The following DMD variants were observed in gnomAD, a reference collection of about 807,000 sequenced individuals.
DMD encodes the protein mutant dystrophin.
A neutral mutation model predicts 330.1 loss-of-function variants in DMD; 63 were observed. The observed-to-expected ratio is 0.19, with a 90% CI of 0.16 to 0.24. The LOEUF is 0.24. Ranked by LOEUF, DMD falls within the 10% of genes least tolerant of loss-of-function variation. The pLI is 1.00. For synonymous variants in DMD, 1,223 were observed against 959.8 expected, an observed-to-expected ratio of 1.27 and a Z score of -5.07; for missense variants, 3,344 against 2,684.1, an observed-to-expected ratio of 1.25 and a Z score of -5.43.
chrX:32,826,955 A>AT (rs200526532), intron 4 of DMD, among the ~76,000 whole-genome samples: 4 of 109,293 alleles, frequency 3.7e-5, no homozygotes, highest in African/African-American at 6.7e-5. Flanking sequence ...GGTATATACA[A>AT]TTTTTTTTGC....
intron 50 of DMD, among the ~76,000 whole-genome samples, chrX:31,813,231 G>A (rs1287962882): frequency 8.9e-6 from 1 of 111,986 alleles, no homozygotes; most frequent in Non-Finnish European, 1.9e-5. Flanking sequence ...CCAATTCACT[G>A]GAGATTTTTA....
chrX:32,630,723 C>A (rs916438924), intron 11 of DMD, among the ~76,000 whole-genome samples: 1 of 111,576 alleles, frequency 9.0e-6, no homozygotes, highest in African/African-American at 3.3e-5. Context: ...TTCTGAATTC[C>A]TTCTCTGTAC....
At chrX:32,196,354 C>G (rs2097000094) in intron 44 of DMD, among the ~76,000 whole-genome samples, 1 of 112,100 alleles carries the variant, frequency 8.9e-6, no homozygotes. Flanking sequence ...AACCAGGCTC[C>G]AGATATAAGC....
chrX:32,895,218 G>T (rs2085595593), intron 2 of DMD, among the ~76,000 whole-genome samples: 1 of 112,160 alleles, frequency 8.9e-6, no homozygotes, highest in African/African-American at 3.2e-5. Context: ...TGAATTTGGG[G>T]CAAACACGAA....
At chrX:32,968,313 T>A (rs1217036545) in intron 2 of DMD, among the ~76,000 whole-genome samples, 1 of 111,067 alleles carries the variant, frequency 9.0e-6, no homozygotes, top group Non-Finnish European at 1.9e-5. Context: ...TTCCAGTTGT[T>A]TTAAAACATG....
chrX:31,567,298 A>C (rs755883204), intron 55 of DMD, among the ~76,000 whole-genome samples: 1 of 111,336 alleles, frequency 9.0e-6, no homozygotes, highest in Non-Finnish European at 1.9e-5. Flanking sequence ...ATTAGCAATC[A>C]TGGGTGGAAA....
intron 47 of DMD, among the ~76,000 whole-genome samples, chrX:31,918,065 C>G (rs1199132597): frequency 8.9e-6 from 1 of 112,374 alleles, no homozygotes; most frequent in Non-Finnish European, 1.9e-5. Flanking sequence ...TATTCAAGGA[C>G]CTGCCGTACA....
intron 68 of DMD, 130 bp downstream of exon 68, chrX:31,182,608 C>T: frequency 1.6e-6 from 1 of 629,258 alleles, no homozygotes; most frequent in East Asian, 3.3e-5. Context: ...TGTTCCAGCC[C>T]AATCACCTTC....
chrX:31,281,173 A>G (rs1042634519), intron 62 of DMD, among the ~76,000 whole-genome samples: 2 of 111,944 alleles, frequency 1.8e-5, no homozygotes, highest in Non-Finnish European at 3.8e-5. Context: ...CCAACGACAG[A>G]GACTCTATTT....
intron 25 of DMD, 45 bp downstream of exon 25, chrX:32,463,390 CTTAG>C (rs1569563654): frequency 2.7e-6 from 3 of 1,113,156 alleles, no homozygotes; most frequent in Admixed American, 5.0e-5. Flanking sequence ...ATTAGGAAAT[CTTAG>C]TTAAGTACGT....
At position 31,968,153 on chromosome X, in the gene DMD, A is replaced by G. The variant is rs72466600; in HGVS notation, c.6614+186T>C. Among the ~76,000 whole-genome samples, 212 of 111,718 alleles carry G rather than the reference A, an allele frequency of 1.9e-3. 1 individual carries two copies. Among genetic ancestry groups the G allele is most frequent in the Non-Finnish European group, 3.5e-3 (188 of 53,036 alleles). On this transcript the variant is annotated intron_variant, in intron 45 of 78. Coordinates refer to ENST00000357033, the MANE Select transcript of DMD (RefSeq NM_004006.3). ...AGCAGAAAACCACTAACTAGCCACA[A>G]GTATATATTTTAGTATATGAAAAAA...
At chrX:31,848,062 G>A (rs966817131) in intron 48 of DMD, among the ~76,000 whole-genome samples, 4 of 111,255 alleles carry the variant, frequency 3.6e-5, no homozygotes, top group Admixed American at 9.5e-5. Flanking sequence ...GTGCATACAC[G>A]CACATGTGCA....
At chrX:32,861,198 T>C (rs2082049376) in intron 2 of DMD, among the ~76,000 whole-genome samples, 1 of 112,244 alleles carries the variant, frequency 8.9e-6, no homozygotes, top group Non-Finnish European at 1.9e-5. Flanking sequence ...GTAAGATATA[T>C]TCTGTAAGTG....
chrX:33,156,152 A>G (rs1162836087), intron 1 of DMD, among the ~76,000 whole-genome samples: 2 of 112,103 alleles, frequency 1.8e-5, no homozygotes, highest in East Asian at 5.6e-4. Context: ...GAATAACAAT[A>G]ATAATGAAAA....
At chrX:32,253,755 C>G (rs2097286977) in intron 43 of DMD, among the ~76,000 whole-genome samples, 1 of 107,960 alleles carries the variant, frequency 9.3e-6, no homozygotes, top group Non-Finnish European at 1.9e-5. Context: ...TCCCAAGTAG[C>G]TGGGACTATA....
At chrX:31,356,535 G>A (rs2058683532) in intron 60 of DMD, among the ~76,000 whole-genome samples, 1 of 110,778 alleles carries the variant, frequency 9.0e-6, no homozygotes, top group Non-Finnish European at 1.9e-5. Flanking sequence ...CCAGCCCAAC[G>A]CTTCTCCAAG....
chrX:31,647,127 C>G (rs2148544755), intron 54 of DMD, among the ~76,000 whole-genome samples: 1 of 112,183 alleles, frequency 8.9e-6, no homozygotes, highest in East Asian at 2.8e-4. Context: ...TGCTATTTCT[C>G]CCTGCTTTGT....
chrX:31,266,983 G>A, intron 62 of DMD: 1 of 917,453 alleles, frequency 1.1e-6, no homozygotes, highest in South Asian at 2.6e-5. Context: ...GGGCCGGGGA[G>A]GGGGCGCTGC....
chrX:32,181,887 T>G (rs2096928223), intron 44 of DMD, among the ~76,000 whole-genome samples: 1 of 112,437 alleles, frequency 8.9e-6, no homozygotes, highest in Non-Finnish European at 1.9e-5. Flanking sequence ...ACCTTTCCTA[T>G]AATTACCTCT....
Sources: gnomAD v4.1 joint callset for allele counts (sites outside exome capture counted in the v4.1 genomes callset) on GRCh38, gnomAD v4.1.1 for gene constraint, MANE v1.5 for transcripts, NCBI Gene and HGNC (gene_info 2026-07-23, HGNC 2026-07-21) for gene names.